Variants in LEKR1 observed in about 807,000 individuals in gnomAD.
LEKR1 encodes the protein protein LEKR1.
LEKR1 carries 59 observed loss-of-function variants against 72.4 expected under a neutral mutation model. The observed-to-expected ratio is 0.82, with a 90% confidence interval of 0.66 to 1.01. The LOEUF (loss-of-function observed/expected upper bound fraction) is 1.01. LEKR1 is among the 50% of genes least tolerant of loss of function. The pLI, the probability that LEKR1 is intolerant of heterozygous loss-of-function variation, is 0.00. For missense variants in LEKR1, 728 were observed against 759.2 expected, an observed-to-expected ratio of 0.96 and a Z score of 0.48; for synonymous variants, 257 against 263.2, an observed-to-expected ratio of 0.98 and a Z score of 0.23.
intron 2 of LEKR1, among the ~76,000 whole-genome samples, chr3:156,844,572 A>G (rs766679548): frequency 9.2e-5 from 14 of 152,228 alleles, no homozygotes; most frequent in Non-Finnish European, 2.1e-4. Context: ...TCTGGTCTCC[A>G]ATAATTTTAT....
chr3:156,883,258 TTGGAATGGG>T (rs751361145), intron 3 of LEKR1, among the ~76,000 whole-genome samples: 43 of 152,306 alleles, frequency 2.8e-4, no homozygotes, highest in Admixed American at 1.6e-3. Flanking sequence ...TTTTCCCCAT[TTGGAATGGG>T]TGTATTTACC....
chr3:156,867,606 G>GT (rs1395726641), intron 3 of LEKR1, among the ~76,000 whole-genome samples: 55 of 151,856 alleles, frequency 3.6e-4, no homozygotes, highest in African/African-American at 1.3e-3. Context: ...GTTACCTCCG[G>GT]TTACTCCAGT....
At chr3:157,014,165 T>G (rs540271469) in intron 10 of LEKR1, among the ~76,000 whole-genome samples, 1 of 152,210 alleles carries the variant, frequency 6.6e-6, no homozygotes, top group South Asian at 2.1e-4. Flanking sequence ...CCACACTGCT[T>G]ACATGATCAA....
chr3:156,994,675 A>C (rs1434394575), intron 9 of LEKR1, among the ~76,000 whole-genome samples: 2 of 152,258 alleles, frequency 1.3e-5, no homozygotes, highest in Non-Finnish European at 2.9e-5. Flanking sequence ...ATATATGCTA[A>C]CGTATATAGT....
chr3:157,036,441 A>C (rs376952261), intron 12 of LEKR1, among the ~76,000 whole-genome samples: 7 of 152,334 alleles, frequency 4.6e-5, no homozygotes, highest in African/African-American at 1.7e-4. Context: ...CAAATTCCAA[A>C]GGAAAATTAT....
intron 3 of LEKR1, among the ~76,000 whole-genome samples, chr3:156,905,388 A>G (rs1576791744): frequency 6.6e-6 from 1 of 152,310 alleles, no homozygotes. Context: ...AATTCATAGG[A>G]AGATATAAAT....
intron 10 of LEKR1, among the ~76,000 whole-genome samples, chr3:157,021,288 A>G (rs1355384504): frequency 2.6e-5 from 4 of 151,558 alleles, no homozygotes; most frequent in African/African-American, 9.7e-5. Context: ...GTTTAATTAG[A>G]TCCCATTTGT....
In LEKR1 at chr3:156,992,522, T is replaced by G. The variant is rs552787843; in HGVS notation, c.828-131T>G. ...GCCAGTATAGAAGTAAACTGAATGT[T>G]TATTTCTTTAAACAAATAATAATAT... On this transcript the variant is annotated intron_variant, in intron 7 of 12. Coordinates refer to ENST00000356539, the MANE Select transcript of LEKR1 (RefSeq NM_001004316.3). 41 of 193,006 alleles carry G rather than the reference T, an allele frequency of 2.1e-4. 1 individual carries two copies. Among genetic ancestry groups the G allele is most frequent in the Admixed American group, 1.9e-3 (30 of 16,132 alleles). 12.0% of individuals were successfully genotyped at this position (193,006 alleles called of 1,614,324 possible).
chr3:156,999,608 C>T (rs1184914600), intron 9 of LEKR1, among the ~76,000 whole-genome samples: 2 of 152,162 alleles, frequency 1.3e-5, no homozygotes, highest in Non-Finnish European at 2.9e-5. Flanking sequence ...TGGGCTCTGC[C>T]ATCATAGCTA....
rs376269648 is a variant in LEKR1 at position 157,019,910 on chromosome 3, T to C, written c.1204-4850T>C. ...CACGTCAACACATTCAGATGGCTCT[T>C]AGCATCCCACTGCAGCTTTCCTAAG... On this transcript the variant is annotated intron_variant, in intron 10 of 12. Coordinates refer to ENST00000356539, the MANE Select transcript of LEKR1 (RefSeq NM_001004316.3). 1.6e-4 allele frequency among the ~76,000 whole-genome samples: 24 copies of C among 152,332 alleles called. No homozygotes were observed. The South Asian group carries it at 3.9e-3, about 25-fold the overall frequency.
chr3:156,828,326 A>G (rs1054620706), intron 1 of LEKR1, among the ~76,000 whole-genome samples: 8 of 152,176 alleles, frequency 5.3e-5, no homozygotes, highest in Non-Finnish European at 8.8e-5. Flanking sequence ...TCTCTCTGAT[A>G]GAGTACTTTG....
intron 2 of LEKR1, among the ~76,000 whole-genome samples, chr3:156,851,688 T>C (rs1202865127): frequency 6.6e-6 from 1 of 152,282 alleles, no homozygotes; most frequent in South Asian, 2.1e-4. Context: ...TGTTTTTTTT[T>C]CTTCCAGTTG....
intron 6 of LEKR1, among the ~76,000 whole-genome samples, chr3:156,954,528 T>G (rs1444231972): frequency 6.6e-6 from 1 of 152,058 alleles, no homozygotes; most frequent in African/African-American, 2.4e-5. Flanking sequence ...TTGAGTTGAT[T>G]TTTGTATATG....
intron 3 of LEKR1, among the ~76,000 whole-genome samples, chr3:156,899,321 T>C (rs1219853406): frequency 7.8e-6 from 1 of 128,610 alleles, no homozygotes; most frequent in East Asian, 2.0e-4. Flanking sequence ...CACATGTATA[T>C]ATACATATAT....
At chr3:156,932,768 C>T (rs919820954) in intron 5 of LEKR1, among the ~76,000 whole-genome samples, 29 of 150,004 alleles carry the variant, frequency 1.9e-4, no homozygotes, top group Non-Finnish European at 3.7e-4. Flanking sequence ...TGGTGGCTCA[C>T]GCCTGTAATC....
chr3:156,961,512 T>C (rs1052095376), intron 6 of LEKR1, among the ~76,000 whole-genome samples: 2 of 152,222 alleles, frequency 1.3e-5, no homozygotes, highest in African/African-American at 4.8e-5. Context: ...TTTATACAAA[T>C]AGAACCATAC....
At chr3:157,010,422 T>C (rs904013577) in intron 9 of LEKR1, among the ~76,000 whole-genome samples, 8 of 152,074 alleles carry the variant, frequency 5.3e-5, no homozygotes, top group Non-Finnish European at 7.4e-5. Context: ...AAAGGAAAGA[T>C]CATAGGAGAT....
At chr3:156,935,230 T>C (rs1318245412) in intron 5 of LEKR1, among the ~76,000 whole-genome samples, 4 of 152,202 alleles carry the variant, frequency 2.6e-5, no homozygotes, top group Non-Finnish European at 5.9e-5. Context: ...ACAGTGGTGA[T>C]GACAGAAGCT....
At chr3:156,906,371 C>G (rs771437074) in intron 3 of LEKR1, among the ~76,000 whole-genome samples, 1 of 152,108 alleles carries the variant, frequency 6.6e-6, no homozygotes, top group Non-Finnish European at 1.5e-5. Flanking sequence ...AATAAATGTA[C>G]TTGTTCTCAT....
Sources: allele counts gnomAD v4.1 joint callset (sites outside exome capture counted in the v4.1 genomes callset), GRCh38; gene constraint gnomAD v4.1.1; transcripts MANE v1.5; gene names NCBI Gene and HGNC (gene_info 2026-07-23, HGNC 2026-07-21).